TRIM67: variants seen among roughly 807,000 people sequenced by gnomAD.
The protein encoded by TRIM67 is tripartite motif containing 67.
TRIM67 carries 39 observed loss-of-function variants against 71.0 expected under a neutral mutation model. The observed-to-expected ratio is 0.55, with a 90% CI of 0.43 to 0.72. The LOEUF (loss-of-function observed/expected upper bound fraction) is 0.72. Among genes scored for constraint, TRIM67 ranks in the 30% least tolerant of loss-of-function variants. The pLI, the probability that TRIM67 is intolerant of heterozygous loss-of-function variation, is 0.00. For synonymous variants in TRIM67, 481 were observed against 473.9 expected (o/e 1.01, Z -0.19); for missense variants, 973 against 1,079.2 (o/e 0.90, Z 1.38).
rs550730003 is a variant in TRIM67, at chr1:231,197,579, A to G, written c.1140+113A>G. On this transcript the variant is annotated intron_variant, in intron 2 of 9. Transcript: ENST00000366653. ...GGTGGCTCACACCTGTAATCCCAAC[A>G]CTTTGGGAGGCCGAGGCGGGCAGAT... The G allele has an allele frequency of 1.2e-5, 11 of 927,616 alleles. No homozygotes were observed. The African/African-American group carries it at 1.6e-4, about 14-fold the overall frequency. 57.5% of individuals were successfully genotyped at this position (927,616 alleles called of 1,614,324 possible). A position where few individuals can be genotyped will look rare whatever the true frequency, so the allele number is the denominator to read the frequency against.
intron 1 of TRIM67, among the ~76,000 whole-genome samples, chr1:231,173,349 C>T (rs536042092): frequency 6.6e-6 from 1 of 152,108 alleles, no homozygotes; most frequent in East Asian, 1.9e-4. Flanking sequence ...GGGTTCAAAA[C>T]CAGCCAGGGT....
At position 231,179,162 on chromosome 1, in the gene TRIM67, G is replaced by A. The variant is rs373325109; in HGVS notation, c.1044+15149G>A. Among the ~76,000 whole-genome samples, 14 of 152,284 alleles carry A rather than the reference G, an allele frequency of 9.2e-5. 1 individual carries two copies. Among genetic ancestry groups the A allele is most frequent in the South Asian group, 4.1e-4 (2 of 4,828 alleles). On this transcript the variant is annotated intron_variant, in intron 1 of 9. Coordinates refer to ENST00000366653, the MANE Select transcript of TRIM67 (RefSeq NM_001004342.5). ...TCCAAAATCAAGGTGTCGGCAGGGC[G>A]GTGTTCCCTCTGAAGGGACCAGGAA... is the stretch of plus-strand genomic sequence containing the variant.
chr1:231,201,650 A>G (rs1683527971), intron 5 of TRIM67, 133 bp downstream of exon 5: 2 of 1,143,604 alleles, frequency 1.7e-6, no homozygotes, highest in Admixed American at 2.6e-5. Context: ...GGAGCGCCAG[A>G]GTCACGGACC....
At chr1:231,214,514 C>T (rs1378612629) in intron 9 of TRIM67, among the ~76,000 whole-genome samples, 4 of 152,104 alleles carry the variant, frequency 2.6e-5, no homozygotes, top group East Asian at 1.9e-4. Context: ...CGGTGGCTTA[C>T]GCCTGTAATC....
intron 1 of TRIM67, among the ~76,000 whole-genome samples, chr1:231,185,420 G>A (rs545845626): frequency 5.3e-5 from 8 of 151,938 alleles, no homozygotes; most frequent in South Asian, 2.1e-4. Flanking sequence ...CTCCCACCAC[G>A]GCGGGACCCC....
intron 9 of TRIM67, 95 bp from the exon 10 acceptor site, chr1:231,215,280 G>C: frequency 6.7e-7 from 1 of 1,502,530 alleles, no homozygotes; most frequent in Non-Finnish European, 9.0e-7. Context: ...CCTGGAGCCA[G>C]CAGGGGATCC....
At chr1:231,213,320 A>T (rs1028839425) in intron 8 of TRIM67, among the ~76,000 whole-genome samples, 5 of 152,140 alleles carry the variant, frequency 3.3e-5, no homozygotes, top group Non-Finnish European at 7.3e-5. Context: ...AGTCTTCATC[A>T]TGGCCTGTTA....
intron 8 of TRIM67, among the ~76,000 whole-genome samples, chr1:231,211,030 AAAT>A (rs1286085400): frequency 3.2e-5 from 4 of 123,548 alleles, no homozygotes; most frequent in South Asian, 5.2e-4. Flanking sequence ...CAAAAAAAAA[AAAT>A]ATATATATAT....
chr1:231,199,209 A>T (rs1683455485), intron 3 of TRIM67, 40 bp downstream of exon 3: 1 of 1,601,008 alleles, frequency 6.2e-7, no homozygotes, highest in Non-Finnish European at 8.6e-7. Context: ...TCCCTGCCAC[A>T]TCCTCTGCAC....
Position 231,218,373 on chromosome 1 carries a change from T to C in TRIM67, c.*2933T>C, listed in dbSNP as rs902594765. ...GTTTCAGTGAAAAAGGAATTCAAAG[T>C]AGTTTAAAAATGTCGAGTTCCATTG... On this transcript the variant is annotated 3_prime_UTR_variant, in exon 10 of 10. Coordinates refer to ENST00000366653, the MANE Select transcript of TRIM67 (RefSeq NM_001004342.5). The C allele has an allele frequency of 1.0e-6, 1 of 985,906 alleles. No individual in the cohort carries two copies. The highest frequency in any genetic ancestry group is 1.2e-6 in the Non-Finnish European group (1 of 830,356). The allele number at this position is 985,906 out of a possible 1,614,324, so 61.1% of individuals were successfully genotyped here.
intron 1 of TRIM67, chr1:231,186,053 T>C: frequency 1.3e-6 from 2 of 1,525,054 alleles, no homozygotes; most frequent in Non-Finnish European, 1.8e-6. Context: ...AAGAAGGGGA[T>C]GTTCCCCGTG....
chr1:231,194,210 G>A (rs1381961344), intron 1 of TRIM67, among the ~76,000 whole-genome samples: 1 of 152,204 alleles, frequency 6.6e-6, no homozygotes, highest in Non-Finnish European at 1.5e-5. Context: ...CTTTGGGTGG[G>A]AGTCTTGGAA....
intron 3 of TRIM67, 118 bp downstream of exon 3, chr1:231,199,287 A>T: frequency 1.0e-6 from 1 of 989,882 alleles, no homozygotes; most frequent in Non-Finnish European, 1.6e-6. Flanking sequence ...TGAATGAGCT[A>T]ATGAATGAAT....
chr1:231,199,014 G>A (rs751393862), intron 2 of TRIM67, 33 bp from the exon 3 acceptor site: 1 of 1,613,422 alleles, frequency 6.2e-7, no homozygotes, highest in Non-Finnish European at 8.5e-7. Context: ...AAAACTCTTT[G>A]CTTCTTCCCA....
intron 1 of TRIM67, among the ~76,000 whole-genome samples, chr1:231,182,577 C>A (rs551403703): frequency 6.6e-6 from 1 of 152,036 alleles, no homozygotes; most frequent in Admixed American, 6.6e-5. Flanking sequence ...CGTGGGGCAC[C>A]GGTGCAGCCA....
chr1:231,202,878 C>T (rs2102753453), intron 5 of TRIM67, among the ~76,000 whole-genome samples: 1 of 152,142 alleles, frequency 6.6e-6, no homozygotes, highest in South Asian at 2.1e-4. Context: ...GGAGGGAGGG[C>T]TTAGGGCCAC....
At chr1:231,177,094 C>T (rs1021933968) in intron 1 of TRIM67, among the ~76,000 whole-genome samples, 2 of 152,060 alleles carry the variant, frequency 1.3e-5, no homozygotes, top group African/African-American at 4.8e-5. Context: ...TTTAAATGGA[C>T]AGGAGGGCTC....
At chr1:231,175,154 G>A (rs990040430) in intron 1 of TRIM67, among the ~76,000 whole-genome samples, 9 of 152,298 alleles carry the variant, frequency 5.9e-5, no homozygotes, top group African/African-American at 2.2e-4. Flanking sequence ...CACACCATCA[G>A]GTTGCTGGGA....
chr1:231,179,763 A>G (rs900890092), intron 1 of TRIM67, among the ~76,000 whole-genome samples: 1 of 152,250 alleles, frequency 6.6e-6, no homozygotes, highest in African/African-American at 2.4e-5. Context: ...ATACTCTGTG[A>G]ACATATTCAG....
Sources: gnomAD v4.1 joint callset for allele counts (sites outside exome capture counted in the v4.1 genomes callset) on GRCh38, gnomAD v4.1.1 for gene constraint, MANE v1.5 for transcripts, NCBI Gene and HGNC (gene_info 2026-07-23, HGNC 2026-07-21) for gene names.